NAV2: variants seen among roughly 807,000 people sequenced by gnomAD.
NAV2 encodes neuron navigator 2, also known as helicase, APC down-regulated 1.
NAV2 carries 54 observed loss-of-function variants against 223.2 expected under a neutral mutation model. The observed-to-expected ratio is 0.24, with a 90% confidence interval of 0.19 to 0.30. The LOEUF (loss-of-function observed/expected upper bound fraction) is 0.30. NAV2 is among the 10% of genes least tolerant of loss of function. The probability of loss-of-function intolerance (pLI) is 1.00; values close to 1 mark genes in which losing one functional copy is unlikely to be tolerated. For missense variants in NAV2, 2,806 were observed against 3,147.5 expected, an observed-to-expected ratio of 0.89 and a Z score of 2.60; for synonymous variants, 1,279 against 1,239.3, an observed-to-expected ratio of 1.03 and a Z score of -0.67.
chr11:19,937,603 A>G (rs1227558911), intron 7 of NAV2, among the ~76,000 whole-genome samples: 1 of 152,234 alleles, frequency 6.6e-6, no homozygotes, highest in East Asian at 1.9e-4. Flanking sequence ...TGAGATTCAA[A>G]GAGGTGGAGT....
At chr11:19,734,978 C>G (rs767135379) in intron 1 of NAV2, among the ~76,000 whole-genome samples, 1 of 152,188 alleles carries the variant, frequency 6.6e-6, no homozygotes, top group Non-Finnish European at 1.5e-5. Context: ...GAGTTGGAGC[C>G]AAGCCTCAGA....
chr11:19,668,482 G>A (rs1459729022), intron 1 of NAV2, among the ~76,000 whole-genome samples: 1 of 121,356 alleles, frequency 8.2e-6, no homozygotes, highest in African/African-American at 3.0e-5. Flanking sequence ...GCAGTGAGCC[G>A]AATTCATGCC....
Position 20,045,683 on chromosome 11 carries a change from A to G in NAV2, c.3902+13A>G. 2 of 1,600,424 alleles carry G rather than the reference A, an allele frequency of 1.2e-6. No individual in the cohort carries two copies. Among genetic ancestry groups the G allele is most frequent in the South Asian group, 2.2e-5 (2 of 90,510 alleles). ...CCACACTCCGCAGGTAAGTGAGTAC[A>G]TAAATGGTGCAGAGCAGAACCAGAA... On this transcript the variant is annotated intron_variant, in intron 14 of 37. Coordinates refer to ENST00000349880, the MANE Select transcript of NAV2 (RefSeq NM_145117.5).
chr11:19,892,593 A>G lies in NAV2; in HGVS notation c.930A>G (p.Lys310=). Residue 310 remains lysine (K), a splice_region_variant and synonymous_variant, in exon 6 of 38, where the codon AAA becomes AAG. Transcript: ENST00000349880. ...SPPPPPSSHE[K]EPLASSASSH... ...CCCCACCGCCAAGCAGCCACGAGAAAGGTGAGTCACCTTCTTGAGGAGCCT... is the reference window on the plus strand; with the variant it reads ...CCCCACCGCCAAGCAGCCACGAGAAGGGTGAGTCACCTTCTTGAGGAGCCT... 6.2e-7 allele frequency: 1 copy of G among 1,613,436 alleles called. No individual in the cohort carries two copies. Among genetic ancestry groups the G allele is most frequent in the Non-Finnish European group, 8.5e-7 (1 of 1,179,656 alleles).
intron 1 of NAV2, among the ~76,000 whole-genome samples, chr11:19,802,777 G>C (rs1382703433): frequency 6.6e-6 from 1 of 151,662 alleles, no homozygotes; most frequent in African/African-American, 2.4e-5. Flanking sequence ...GTGGGGATGA[G>C]AGAGTCGATG....
chr11:19,667,228 T>C (rs754222485), intron 1 of NAV2, among the ~76,000 whole-genome samples: 10 of 152,258 alleles, frequency 6.6e-5, no homozygotes, highest in Non-Finnish European at 1.0e-4. Context: ...AACAGATTTG[T>C]AGACGTTGAA....
At chr11:19,586,493 T>C (rs559878033) in intron 1 of NAV2, among the ~76,000 whole-genome samples, 12 of 152,334 alleles carry the variant, frequency 7.9e-5, no homozygotes, top group Non-Finnish European at 1.3e-4. Flanking sequence ...CTCTGTTTTT[T>C]CCCCATCTTT....
chr11:19,822,877 C>T (rs1398521477), intron 1 of NAV2, among the ~76,000 whole-genome samples: 3 of 152,174 alleles, frequency 2.0e-5, no homozygotes, highest in Non-Finnish European at 4.4e-5. Flanking sequence ...GCTCCTGGAA[C>T]CCAGCTTTCT....
rs765632685 is a variant in NAV2, at chr11:19,935,851, G to GTTTTTTT, written c.2033+1592_2033+1598dup. 9.0e-3 allele frequency among the ~76,000 whole-genome samples: 476 copies of GTTTTTTT among 52,698 alleles called. 94 individuals are homozygous for GTTTTTTT. Among genetic ancestry groups the GTTTTTTT allele is most frequent in the Middle Eastern group, 0.017 (1 of 60 alleles). The allele number at this position is 52,698 out of a possible 152,430, so 34.6% of individuals were successfully genotyped here. On this transcript the variant is annotated intron_variant, in intron 7 of 37. Transcript: ENST00000349880. ...ACGGCTTTTGTTTTGTTTTGTTTCT[G>GTTTTTTT]TTTTTTTTTTTTTTTTTTTTTTTTG...
intron 1 of NAV2, among the ~76,000 whole-genome samples, chr11:19,659,202 G>A (rs2048207164): frequency 6.6e-6 from 1 of 152,208 alleles, no homozygotes; most frequent in Non-Finnish European, 1.5e-5. Flanking sequence ...TAAAGCACTG[G>A]CATTTAGACC....
intron 1 of NAV2, among the ~76,000 whole-genome samples, chr11:19,400,945 T>C (rs1412816684): frequency 9.4e-6 from 1 of 106,060 alleles, no homozygotes; most frequent in African/African-American, 3.3e-5. Flanking sequence ...GAGTCTTGTC[T>C]TCTTATTGGA....
At chr11:19,915,677 G>A (rs1251731593) in intron 6 of NAV2, among the ~76,000 whole-genome samples, 1 of 152,092 alleles carries the variant, frequency 6.6e-6, no homozygotes, top group Non-Finnish European at 1.5e-5. Context: ...GATTGAGTTT[G>A]AAGCCCTTTC....
intron 1 of NAV2, among the ~76,000 whole-genome samples, chr11:19,427,840 G>A (rs1369138149): frequency 2.6e-5 from 4 of 152,144 alleles, no homozygotes; most frequent in Non-Finnish European, 4.4e-5. Flanking sequence ...ATTGCCTACA[G>A]TTGTTTCTTA....
At chr11:19,595,770 C>A (rs181608360) in intron 1 of NAV2, among the ~76,000 whole-genome samples, 8 of 152,004 alleles carry the variant, frequency 5.3e-5, no homozygotes, top group African/African-American at 9.6e-5. Context: ...CTATGTTGCC[C>A]AGGCTGGTCT....
At chr11:19,439,635 T>C (rs1313325419) in intron 1 of NAV2, among the ~76,000 whole-genome samples, 1 of 152,268 alleles carries the variant, frequency 6.6e-6, no homozygotes, top group African/African-American at 2.4e-5. Context: ...GTTTATTTTC[T>C]ATGTCCCAAT....
intron 1 of NAV2, among the ~76,000 whole-genome samples, chr11:19,719,388 G>T (rs936539504): frequency 1.3e-5 from 2 of 152,140 alleles, no homozygotes; most frequent in Admixed American, 6.6e-5. Flanking sequence ...TGGTAAATTC[G>T]ACTTTATTGA....
intron 22 of NAV2, among the ~76,000 whole-genome samples, chr11:20,071,722 A>C (rs11025371): frequency 1.3e-5 from 2 of 152,002 alleles, no homozygotes; most frequent in Non-Finnish European, 2.9e-5. Context: ...TGTTGGCTGC[A>C]TAAATGTCTT....
intron 1 of NAV2, among the ~76,000 whole-genome samples, chr11:19,637,578 T>C (rs1480932917): frequency 1.3e-5 from 2 of 152,254 alleles, no homozygotes; most frequent in Non-Finnish European, 2.9e-5. Context: ...ACAGGAAGTG[T>C]AGCCCCGGCA....
chr11:19,470,879 TCTTC>T (rs1419463745), intron 1 of NAV2, among the ~76,000 whole-genome samples: 1 of 152,168 alleles, frequency 6.6e-6, no homozygotes, highest in Non-Finnish European at 1.5e-5. Flanking sequence ...ATCTCCCTTC[TCTTC>T]CTTCTCTTGT....
Sources: allele counts gnomAD v4.1 joint callset (sites outside exome capture counted in the v4.1 genomes callset), GRCh38; gene constraint gnomAD v4.1.1; transcripts MANE v1.5; gene names NCBI Gene and HGNC (gene_info 2026-07-23, HGNC 2026-07-21).